The following FSTL5 variants were observed in gnomAD, a reference collection of about 807,000 sequenced individuals.
FSTL5 encodes the protein follistatin like 5.
A neutral mutation model predicts 89.1 loss-of-function variants in FSTL5; 62 were observed. The observed-to-expected ratio is 0.70, with a 90% CI of 0.57 to 0.86. The LOEUF (loss-of-function observed/expected upper bound fraction) is 0.86, where lower values mean the gene tolerates loss of function less well. Among genes scored for constraint, FSTL5 ranks in the 40% least tolerant of loss-of-function variants. The probability of loss-of-function intolerance (pLI) is 0.00; values close to 1 mark genes in which losing one functional copy is unlikely to be tolerated. For synonymous variants in FSTL5, 383 were observed against 346.2 expected, an observed-to-expected ratio of 1.11 and a Z score of -1.18; for missense variants, 1,057 against 1,001.6, an observed-to-expected ratio of 1.06 and a Z score of -0.75.
intron 3 of FSTL5, among the ~76,000 whole-genome samples, chr4:161,976,445 T>G (rs1053277637): frequency 2.0e-5 from 3 of 152,168 alleles, no homozygotes; most frequent in Non-Finnish European, 4.4e-5. Flanking sequence ...TTTTAAATAT[T>G]TATCAGGTGA....
chr4:161,886,869 A>T (rs755159264), intron 4 of FSTL5, among the ~76,000 whole-genome samples: 2 of 152,206 alleles, frequency 1.3e-5, no homozygotes, highest in African/African-American at 2.4e-5. Flanking sequence ...CAATTCAGGA[A>T]TCCCTGCAAT....
intron 3 of FSTL5, among the ~76,000 whole-genome samples, chr4:161,946,649 A>T (rs994109963): frequency 6.6e-6 from 1 of 152,156 alleles, no homozygotes; most frequent in Non-Finnish European, 1.5e-5. Flanking sequence ...TTCTCCTGTT[A>T]ACAATTACTT....
At chr4:161,829,615 T>A (rs1255981635) in intron 4 of FSTL5, among the ~76,000 whole-genome samples, 1 of 152,060 alleles carries the variant, frequency 6.6e-6, no homozygotes, top group East Asian at 1.9e-4. Context: ...GCAAACACTT[T>A]GTAAATGAGA....
intron 15 of FSTL5, among the ~76,000 whole-genome samples, chr4:161,439,241 C>T (rs1170063330): frequency 6.6e-6 from 1 of 152,176 alleles, no homozygotes; most frequent in Non-Finnish European, 1.5e-5. Context: ...CAACATGCCT[C>T]TACAGAACAA....
At chr4:161,663,185 C>G (rs1736774404) in intron 6 of FSTL5, among the ~76,000 whole-genome samples, 2 of 152,226 alleles carry the variant, frequency 1.3e-5, no homozygotes, top group Middle Eastern at 3.4e-3. Context: ...CTCCTCTGGA[C>G]TCTCCAAATC....
At chr4:161,854,919 A>C (rs1731676752) in intron 4 of FSTL5, among the ~76,000 whole-genome samples, 1 of 151,972 alleles carries the variant, frequency 6.6e-6, no homozygotes. Flanking sequence ...TATAAACCTA[A>C]TCATAATTAG....
At chr4:161,563,923 A>G (rs751284026) in intron 8 of FSTL5, among the ~76,000 whole-genome samples, 2 of 151,984 alleles carry the variant, frequency 1.3e-5, no homozygotes, top group Non-Finnish European at 2.9e-5. Context: ...AGAAAAAACA[A>G]CACAAAAATT....
chr4:161,802,542 G>A (rs956272478), intron 4 of FSTL5, among the ~76,000 whole-genome samples: 2 of 151,640 alleles, frequency 1.3e-5, no homozygotes, highest in African/African-American at 4.8e-5. Context: ...TCCTAAGTCT[G>A]TATATTTCAT....
At chr4:161,904,885 A>G (rs1168867834) in intron 4 of FSTL5, among the ~76,000 whole-genome samples, 1 of 151,888 alleles carries the variant, frequency 6.6e-6, no homozygotes, top group African/African-American at 2.4e-5. Context: ...AAATAAAAAT[A>G]ATATTACTAT....
intron 3 of FSTL5, among the ~76,000 whole-genome samples, chr4:162,027,481 T>C (rs1022415078): frequency 9.9e-5 from 15 of 152,106 alleles, no homozygotes; most frequent in Non-Finnish European, 1.9e-4. Flanking sequence ...CTTATATATA[T>C]AATGGCTTTC....
intron 8 of FSTL5, among the ~76,000 whole-genome samples, chr4:161,576,945 T>A (rs1733230358): frequency 6.6e-6 from 1 of 152,220 alleles, no homozygotes; most frequent in Non-Finnish European, 1.5e-5. Flanking sequence ...CCACAAATAG[T>A]CTTTTCTCCA....
chr4:161,875,068 G>A lies in FSTL5; in HGVS notation c.409+45336C>T, dbSNP rs538834316. The stretch of plus-strand genomic sequence containing the variant: ...TATATGAAAAGTATACTTTGATACT[G>A]TATATCTACAGATATTATTACTTTT... On this transcript the variant is annotated intron_variant, in intron 4 of 15. Transcript: ENST00000306100. Among the ~76,000 whole-genome samples, 3 of 152,150 alleles carry A rather than the reference G, an allele frequency of 2.0e-5. No individual in the cohort carries two copies. The South Asian group carries it at 6.2e-4, about 32-fold the overall frequency.
chr4:161,860,180 C>A (rs943363806), intron 4 of FSTL5, among the ~76,000 whole-genome samples: 1 of 151,832 alleles, frequency 6.6e-6, no homozygotes. Context: ...CCCAGCTACT[C>A]GGGAGGCTGA....
intron 8 of FSTL5, among the ~76,000 whole-genome samples, chr4:161,581,388 A>G (rs1733433903): frequency 6.6e-6 from 1 of 152,200 alleles, no homozygotes. Context: ...AGAGAGGGTG[A>G]AGGAGACCTC....
intron 4 of FSTL5, among the ~76,000 whole-genome samples, chr4:161,851,017 G>A (rs1228614539): frequency 6.6e-6 from 1 of 152,134 alleles, no homozygotes; most frequent in Non-Finnish European, 1.5e-5. Flanking sequence ...AGTAGACAAA[G>A]ATGACTGTAA....
chr4:161,446,072 C>T (rs1158165002), intron 15 of FSTL5, among the ~76,000 whole-genome samples: 1 of 151,944 alleles, frequency 6.6e-6, no homozygotes, highest in Admixed American at 6.6e-5. Context: ...AGCAGATTTA[C>T]AACTCAACTA....
chr4:161,396,120 A>AT (rs1346376439), intron 15 of FSTL5, among the ~76,000 whole-genome samples: 1 of 121,132 alleles, frequency 8.3e-6, no homozygotes, highest in Non-Finnish European at 2.0e-5. Flanking sequence ...ATCATTGATC[A>AT]TAAAAAAAAA....
intron 12 of FSTL5, among the ~76,000 whole-genome samples, chr4:161,490,737 TTA>T (rs1729841814): frequency 6.6e-6 from 1 of 152,256 alleles, no homozygotes; most frequent in South Asian, 2.1e-4. Flanking sequence ...ACAGAGATAA[TTA>T]TATGTGTTTA....
At chr4:161,940,625 G>A (rs187522399) in intron 3 of FSTL5, among the ~76,000 whole-genome samples, 2 of 151,804 alleles carry the variant, frequency 1.3e-5, no homozygotes, top group Non-Finnish European at 3.0e-5. Context: ...TTAACATGCT[G>A]ATATAAAAAT....
Sources: allele counts gnomAD v4.1 joint callset (sites outside exome capture counted in the v4.1 genomes callset), GRCh38; gene constraint gnomAD v4.1.1; transcripts MANE v1.5; gene names NCBI Gene and HGNC (gene_info 2026-07-23, HGNC 2026-07-21).